RASAL2: variants seen among roughly 807,000 people sequenced by gnomAD.
The protein encoded by RASAL2 is ras GTPase-activating protein nGAP.
Under a neutral mutation model 128.9 loss-of-function variants are expected in RASAL2, and 58 were observed. The ratio of observed to expected loss-of-function variants is 0.45; its 90% CI spans 0.36 to 0.56. The LOEUF (loss-of-function observed/expected upper bound fraction) is 0.56, where lower values mean the gene tolerates loss of function less well. Ranked by LOEUF, RASAL2 falls within the 20% of genes least tolerant of loss-of-function variation. The probability of loss-of-function intolerance (pLI) is 0.00; values close to 1 mark genes in which losing one functional copy is unlikely to be tolerated. For missense variants in RASAL2, 1,360 were observed against 1,601.6 expected (o/e 0.85, Z 2.57); for synonymous variants, 561 against 580.8 (o/e 0.97, Z 0.49).
intron 1 of RASAL2, among the ~76,000 whole-genome samples, chr1:178,184,970 C>A (rs1662238239): frequency 6.6e-6 from 1 of 151,952 alleles, no homozygotes; most frequent in Non-Finnish European, 1.5e-5. Flanking sequence ...TTTAGATCTT[C>A]TTTGGTTTCT....
At chr1:178,223,261 A>C (rs1663672926) in intron 1 of RASAL2, among the ~76,000 whole-genome samples, 1 of 152,192 alleles carries the variant, frequency 6.6e-6, no homozygotes. Flanking sequence ...TCACGAGGAA[A>C]TATACAATTA....
chr1:178,262,378 A>G (rs1665737994), intron 1 of RASAL2, among the ~76,000 whole-genome samples: 1 of 152,248 alleles, frequency 6.6e-6, no homozygotes, highest in South Asian at 2.1e-4. Flanking sequence ...GTGGACCTAC[A>G]GAGGAGTTCA....
chr1:178,471,775 T>G (rs1341956908), intron 17 of RASAL2, among the ~76,000 whole-genome samples: 1 of 152,130 alleles, frequency 6.6e-6, no homozygotes, highest in African/African-American at 2.4e-5. Context: ...AGGGCCGTGG[T>G]CTTCACTCTG....
chr1:178,161,131 G>T (rs1163164105), intron 1 of RASAL2, among the ~76,000 whole-genome samples: 1 of 150,518 alleles, frequency 6.6e-6, no homozygotes, highest in Non-Finnish European at 1.5e-5. Flanking sequence ...AAAGGATATA[G>T]TTAAATACAG....
chr1:178,242,884 G>T (rs753756836), intron 1 of RASAL2, among the ~76,000 whole-genome samples: 1 of 151,772 alleles, frequency 6.6e-6, no homozygotes, highest in Non-Finnish European at 1.5e-5. Context: ...TCTTTTATAA[G>T]GTTTTTTTCT....
intron 3 of RASAL2, among the ~76,000 whole-genome samples, chr1:178,319,225 C>T: frequency 6.6e-6 from 1 of 152,000 alleles, no homozygotes; most frequent in Non-Finnish European, 1.5e-5. Context: ...CTGCCCTTAA[C>T]ATTTTTTCCT....
chr1:178,143,579 T>C (rs1268816339), intron 1 of RASAL2, among the ~76,000 whole-genome samples: 1 of 152,146 alleles, frequency 6.6e-6, no homozygotes, highest in African/African-American at 2.4e-5. Context: ...TGTTAACATT[T>C]ATGTAAACGA....
intron 3 of RASAL2, among the ~76,000 whole-genome samples, chr1:178,307,567 G>A (rs1469546847): frequency 6.6e-6 from 1 of 152,140 alleles, no homozygotes; most frequent in Non-Finnish European, 1.5e-5. Flanking sequence ...CATTTTCAAT[G>A]TCAATGTAAC....
intron 1 of RASAL2, among the ~76,000 whole-genome samples, chr1:178,213,373 C>T (rs1279530863): frequency 6.6e-6 from 1 of 152,134 alleles, no homozygotes; most frequent in African/African-American, 2.4e-5. Flanking sequence ...ATGTGCCTAC[C>T]TTACGACCAG....
intron 1 of RASAL2, among the ~76,000 whole-genome samples, chr1:178,258,568 C>T (rs1343674170): frequency 6.6e-6 from 1 of 152,054 alleles, no homozygotes; most frequent in Non-Finnish European, 1.5e-5. Context: ...AGTGAGATAC[C>T]ACATCTTGCT....
chr1:178,430,324 A>T (rs1261655333), intron 5 of RASAL2, among the ~76,000 whole-genome samples: 1 of 152,158 alleles, frequency 6.6e-6, no homozygotes, highest in Non-Finnish European at 1.5e-5. Context: ...GGGCCAATTA[A>T]GGATCCCTTA....
chr1:178,137,419 T>C lies in RASAL2; in HGVS notation c.202+42725T>C, dbSNP rs185215785. 2.4e-3 allele frequency among the ~76,000 whole-genome samples: 368 copies of C among 152,306 alleles called. 1 individual carries two copies. The highest frequency in any genetic ancestry group is 8.6e-3 in the African/African-American group (357 of 41,558). On this transcript the variant is annotated intron_variant, in intron 1 of 17. Coordinates refer to ENST00000367649, the MANE Select transcript of RASAL2 (RefSeq NM_170692.4). ...TTTTAAGGAAGTTGGGGATTGAGCATTTGAAGTTAGTTCTACTGTCTCCCT... is the reference window on the plus strand; with the variant it reads ...TTTTAAGGAAGTTGGGGATTGAGCACTTGAAGTTAGTTCTACTGTCTCCCT...
intron 1 of RASAL2, among the ~76,000 whole-genome samples, chr1:178,109,905 C>G (rs1659231601): frequency 6.6e-6 from 1 of 152,026 alleles, no homozygotes; most frequent in African/African-American, 2.4e-5. Context: ...GTAGTCCTAG[C>G]TACTTGGGAG....
chr1:178,224,876 T>C (rs538065265), intron 1 of RASAL2, among the ~76,000 whole-genome samples: 26 of 152,160 alleles, frequency 1.7e-4, no homozygotes, highest in African/African-American at 6.3e-4. Context: ...TGATATCCTA[T>C]TTTAAACTTT....
intron 14 of RASAL2, among the ~76,000 whole-genome samples, chr1:178,459,544 G>T (rs1412840272): frequency 6.6e-6 from 1 of 152,044 alleles, no homozygotes; most frequent in Non-Finnish European, 1.5e-5. Flanking sequence ...TAAAATCCTA[G>T]TTTGTATCTG....
chr1:178,115,359 T>G (rs1171126991), intron 1 of RASAL2, among the ~76,000 whole-genome samples: 2 of 152,246 alleles, frequency 1.3e-5, no homozygotes, highest in Non-Finnish European at 2.9e-5. Context: ...CTTCCCTGTT[T>G]TGTCCCCAGT....
chr1:178,289,278 A>T (rs1465011821), intron 2 of RASAL2, among the ~76,000 whole-genome samples: 3 of 151,900 alleles, frequency 2.0e-5, no homozygotes, highest in African/African-American at 7.3e-5. Flanking sequence ...CTTCCATGAC[A>T]CTGTGTTCTT....
At chr1:178,210,106 G>A (rs1663203196) in intron 1 of RASAL2, among the ~76,000 whole-genome samples, 1 of 151,176 alleles carries the variant, frequency 6.6e-6, no homozygotes. Context: ...TCATGTTTTT[G>A]TCTTTTCATG....
chr1:178,439,050 C>A (rs907353880), intron 5 of RASAL2, among the ~76,000 whole-genome samples: 1 of 151,704 alleles, frequency 6.6e-6, no homozygotes, highest in Non-Finnish European at 1.5e-5. Context: ...TTTGGCAATA[C>A]CTTTGCATAA....
Sources: allele counts gnomAD v4.1 joint callset (sites outside exome capture counted in the v4.1 genomes callset), GRCh38; gene constraint gnomAD v4.1.1; transcripts MANE v1.5; gene names NCBI Gene and HGNC (gene_info 2026-07-23, HGNC 2026-07-21).